IRAG1: variants seen among roughly 807,000 people sequenced by gnomAD.
IRAG1 encodes inositol 1,4,5-triphosphate receptor associated 1.
A neutral mutation model predicts 106.2 loss-of-function variants in IRAG1; 62 were observed. The observed-to-expected ratio is 0.58, with a 90% confidence interval of 0.48 to 0.72. IRAG1 has a LOEUF of 0.72. Among genes scored for constraint, IRAG1 ranks in the 30% least tolerant of loss-of-function variants. IRAG1 has a pLI of 0.00. For missense variants in IRAG1, 1,064 were observed against 1,140.7 expected, an observed-to-expected ratio of 0.93 and a Z score of 0.97; for synonymous variants, 462 against 443.9, an observed-to-expected ratio of 1.04 and a Z score of -0.51.
At chr11:10,654,234 A>ACC (rs34624515) in intron 1 of IRAG1, among the ~76,000 whole-genome samples, 4 of 151,922 alleles carry the variant, frequency 2.6e-5, no homozygotes, top group South Asian at 4.2e-4. Context: ...GCTCTGACAG[A>ACC]CCCCCCAGCC....
At chr11:10,599,723 T>A (rs1451581266) in intron 15 of IRAG1, 8 of 152,294 alleles carry the variant, frequency 5.3e-5, no homozygotes, top group Non-Finnish European at 1.2e-4. Flanking sequence ...TGTTTTCTCC[T>A]GCTAGCCACC....
At chr11:10,588,886 A>C (rs527836346) in intron 18 of IRAG1, 137 of 152,264 alleles carry the variant, frequency 9.0e-4, no homozygotes, top group African/African-American at 3.2e-3. Context: ...TTAATTGCTG[A>C]AGGAATGAAA....
In IRAG1 at chr11:10,580,443, C is replaced by T; in HGVS notation, c.2495+12G>A. ...TCAGCAACGGCAAGGACTCCAAACA[C>T]AGGCTTCCCACCTGCTTCTTGGGCC... On this transcript the variant is annotated intron_variant, in intron 20 of 20. Transcript: ENST00000423302. 6.2e-7 allele frequency: 1 copy of T among 1,605,106 alleles called. No homozygotes were observed. Among genetic ancestry groups the T allele is most frequent in the Non-Finnish European group, 8.5e-7 (1 of 1,177,356 alleles).
At chr11:10,588,364 A>G (rs1474212545) in intron 18 of IRAG1, among the ~76,000 whole-genome samples, 1 of 151,004 alleles carries the variant, frequency 6.6e-6, no homozygotes, top group Non-Finnish European at 1.5e-5. Context: ...GTTTTTTGAG[A>G]CAGGGTCTGG....
intron 20 of IRAG1, 129 bp from the exon 21 acceptor site, chr11:10,576,704 T>TCTAGGCAC: frequency 1.7e-6 from 2 of 1,176,830 alleles, no homozygotes; most frequent in Non-Finnish European, 2.4e-6. Flanking sequence ...TAGCTGTGCC[T>TCTAGGCAC]AGATTGGGTT....
chr11:10,603,279 G>A, intron 13 of IRAG1, 28 bp from the exon 14 acceptor site: 1 of 1,610,754 alleles, frequency 6.2e-7, no homozygotes, highest in Non-Finnish European at 8.5e-7. Context: ...CATCACCTGG[G>A]GTCCTCAAAT....
intron 17 of IRAG1, among the ~76,000 whole-genome samples, chr11:10,592,096 C>T (rs1039184007): frequency 1.3e-5 from 2 of 152,168 alleles, no homozygotes; most frequent in African/African-American, 2.4e-5. Context: ...CTTTACAATA[C>T]GTTCCCCAGG....
chr11:10,662,774 T>C (rs1859498471), intron 1 of IRAG1, among the ~76,000 whole-genome samples: 1 of 152,238 alleles, frequency 6.6e-6, no homozygotes. Flanking sequence ...CCTGGACTCA[T>C]GGCTTGATTC....
intron 2 of IRAG1, among the ~76,000 whole-genome samples, chr11:10,651,593 T>A (rs576739436): frequency 6.6e-6 from 1 of 152,238 alleles, no homozygotes; most frequent in Non-Finnish European, 1.5e-5. Context: ...ATAATAAAAT[T>A]TCACTGAAAA....
intron 1 of IRAG1, among the ~76,000 whole-genome samples, chr11:10,669,103 G>A (rs1860017101): frequency 6.6e-6 from 1 of 152,202 alleles, no homozygotes; most frequent in Non-Finnish European, 1.5e-5. Flanking sequence ...CTTACAGGGG[G>A]CAATTTGGTG....
chr11:10,642,406 C>T (rs1195374405), intron 2 of IRAG1, among the ~76,000 whole-genome samples: 7 of 152,234 alleles, frequency 4.6e-5, no homozygotes, highest in Non-Finnish European at 1.0e-4. Context: ...TCCCCAGAGT[C>T]ACATGGCTAG....
At chr11:10,680,404 G>GAAA (rs1554935662) in intron 1 of IRAG1, among the ~76,000 whole-genome samples, 4 of 82,090 alleles carry the variant, frequency 4.9e-5, no homozygotes, top group East Asian at 5.3e-4. Context: ...AAGGAAGGAA[G>GAAA]GAAAGAAAGG....
intron 1 of IRAG1, among the ~76,000 whole-genome samples, chr11:10,658,176 C>T (rs1012332498): frequency 6.6e-6 from 1 of 152,212 alleles, no homozygotes; most frequent in African/African-American, 2.4e-5. Context: ...GCCTGGCCAA[C>T]TGCAGAGCTG....
intron 1 of IRAG1, among the ~76,000 whole-genome samples, chr11:10,693,284 C>T (rs1862206064): frequency 6.6e-6 from 1 of 152,198 alleles, no homozygotes; most frequent in South Asian, 2.1e-4. Context: ...CTGAGCTGTG[C>T]ACACTTTCCA....
intron 12 of IRAG1, among the ~76,000 whole-genome samples, chr11:10,604,861 A>G (rs1323971151): frequency 6.6e-6 from 1 of 152,216 alleles, no homozygotes; most frequent in African/African-American, 2.4e-5. Flanking sequence ...GGTTTAGATA[A>G]ACTCAGGCCA....
At chr11:10,577,378 T>C (rs1850931298) in intron 20 of IRAG1, among the ~76,000 whole-genome samples, 1 of 152,152 alleles carries the variant, frequency 6.6e-6, no homozygotes, top group Admixed American at 6.5e-5. Context: ...CCCAACTGTC[T>C]TTCATTTTGT....
At chr11:10,599,644 C>G (rs1853740875) in intron 15 of IRAG1, 2 of 152,182 alleles carry the variant, frequency 1.3e-5, no homozygotes, top group Non-Finnish European at 2.9e-5. Context: ...ACTTTCTGTA[C>G]TTTCCCTTCT....
At chr11:10,584,586 T>TATATATA (rs1851753165) in intron 18 of IRAG1, among the ~76,000 whole-genome samples, 2 of 122,240 alleles carry the variant, frequency 1.6e-5, no homozygotes, top group Non-Finnish European at 3.5e-5. Flanking sequence ...TATATATATA[T>TATATATA]GAAATGAGAT....
chr11:10,667,715 A>T (rs881870), intron 1 of IRAG1, among the ~76,000 whole-genome samples: 3 of 152,030 alleles, frequency 2.0e-5, no homozygotes, highest in Non-Finnish European at 4.4e-5. Context: ...AAACATTTCA[A>T]TGGCTTTCTG....
Sources: allele counts gnomAD v4.1 joint callset (sites outside exome capture counted in the v4.1 genomes callset), GRCh38; gene constraint gnomAD v4.1.1; transcripts MANE v1.5; gene names NCBI Gene and HGNC (gene_info 2026-07-23, HGNC 2026-07-21).